Variants in CNGA3 observed in about 807,000 individuals in gnomAD.
CNGA3 encodes cyclic nucleotide-gated channel alpha-3.
A neutral mutation model predicts 46.6 loss-of-function variants in CNGA3; 42 were observed. The ratio of observed to expected loss-of-function variants is 0.90; its 90% CI spans 0.70 to 1.17. The LOEUF (loss-of-function observed/expected upper bound fraction) is 1.17. Among genes scored for constraint, CNGA3 ranks in the 50% most tolerant of loss-of-function variants. The probability of loss-of-function intolerance (pLI) is 0.00; values close to 1 mark genes in which losing one functional copy is unlikely to be tolerated. For synonymous variants in CNGA3, 394 were observed against 369.4 expected, an observed-to-expected ratio of 1.07 and a Z score of -0.76; for missense variants, 893 against 890.7, an observed-to-expected ratio of 1.00 and a Z score of -0.03.
At chr2:98,363,526 C>T (rs534115788) in intron 1 of CNGA3, among the ~76,000 whole-genome samples, 18 of 152,214 alleles carry the variant, frequency 1.2e-4, no homozygotes, top group African/African-American at 3.9e-4. Context: ...GCTTAAGAAG[C>T]TTTTGGGCCA....
At chr2:98,379,999 G>A (rs1330567398) in intron 3 of CNGA3, 176 bp from the exon 4 acceptor site, 5 of 712,060 alleles carry the variant, frequency 7.0e-6, no homozygotes, top group East Asian at 2.7e-5. Context: ...GGGCAGAGAT[G>A]CAAACTTAGA....
At chr2:98,377,935 G>T in intron 3 of CNGA3, 135 bp downstream of exon 3, 1 of 1,309,648 alleles carries the variant, frequency 7.6e-7, no homozygotes, top group African/African-American at 1.5e-5. Flanking sequence ...GAGCAGAGCA[G>T]CCTGAAAACT....
At chr2:98,378,607 G>A (rs572393574) in intron 3 of CNGA3, among the ~76,000 whole-genome samples, 25 of 152,300 alleles carry the variant, frequency 1.6e-4, no homozygotes, top group Middle Eastern at 6.8e-3. Context: ...CTCCACCATT[G>A]TTTATTTAAC....
chr2:98,349,398 G>A lies in CNGA3; in HGVS notation c.-38+2864G>A, dbSNP rs560941678. Reference sequence around the variant, plus strand: ...CATCAGGCTAAGAAATGGAGACTGCGTGCTGGAGAAAATAGGCACCTCTAA... The same window carrying A: ...CATCAGGCTAAGAAATGGAGACTGCATGCTGGAGAAAATAGGCACCTCTAA... On this transcript the variant is annotated intron_variant, in intron 1 of 7. Transcript: ENST00000272602. Among the ~76,000 whole-genome samples the A allele has an allele frequency of 5.5e-4, 84 of 152,292 alleles. 1 individual carries two copies. The highest frequency in any genetic ancestry group is 3.4e-3 in the Middle Eastern group (1 of 294).
chr2:98,394,287 G>T (rs1692859538), intron 7 of CNGA3, among the ~76,000 whole-genome samples: 1 of 152,142 alleles, frequency 6.6e-6, no homozygotes, highest in African/African-American at 2.4e-5. Context: ...TAGGTGTCCA[G>T]CCCATCTCCA....
chr2:98,396,858 G>T lies in CNGA3; in HGVS notation c.1688G>T (p.Arg563Leu). The change falls in exon 8 of 8, where the codon CGC becomes CTC. Residue 563 changes from arginine to leucine, a missense_variant. Around this residue, in one of 3 missense-constraint regions of CNGA3, gnomAD observed 548 missense variants for 570.8 expected, o/e 0.96. Coordinates refer to ENST00000272602, the MANE Select transcript of CNGA3 (RefSeq NM_001298.3). ...ATCAAGGGGAGCAAGTCGGGGAACC[G>T]CAGGACGGCCAACATCCGCAGCATT... Reference protein sequence around the residue: ...LNIKGSKSGNRRTANIRSIGY... With the variant: ...LNIKGSKSGNLRTANIRSIGY... 15 of 1,614,174 alleles carry T rather than the reference G, an allele frequency of 9.3e-6. No individual in the cohort carries two copies. Among genetic ancestry groups the T allele is most frequent in the Non-Finnish European group, 1.3e-5 (15 of 1,180,030 alleles).
At chr2:98,386,991 C>A (rs1243030998) in intron 5 of CNGA3, among the ~76,000 whole-genome samples, 1 of 152,222 alleles carries the variant, frequency 6.6e-6, no homozygotes, top group Non-Finnish European at 1.5e-5. Flanking sequence ...AGACTTCTGA[C>A]CTACAGATCT....
intron 3 of CNGA3, chr2:98,378,243 A>G (rs1453189998): frequency 6.5e-7 from 1 of 1,538,158 alleles, no homozygotes; most frequent in Non-Finnish European, 8.8e-7. Context: ...TTGCAAAAGC[A>G]TTTGTTTGCA....
intron 6 of CNGA3, among the ~76,000 whole-genome samples, chr2:98,390,438 T>C (rs1033061919): frequency 6.6e-6 from 1 of 152,106 alleles, no homozygotes; most frequent in Non-Finnish European, 1.5e-5. Flanking sequence ...TGTGAGCCAC[T>C]GCTCCCGGCC....
intron 5 of CNGA3, among the ~76,000 whole-genome samples, chr2:98,384,820 C>G (rs1574381835): frequency 6.6e-6 from 1 of 152,258 alleles, no homozygotes; most frequent in East Asian, 1.9e-4. Context: ...CTGCACCCGG[C>G]TCTTCAATCT....
chr2:98,367,201 T>A (rs1347647988), intron 1 of CNGA3, among the ~76,000 whole-genome samples: 4 of 147,776 alleles, frequency 2.7e-5, no homozygotes, highest in East Asian at 2.0e-4. Context: ...TTTTTTTTTT[T>A]ATTGAGACAG....
chr2:98,356,180 G>A (rs1170556297), intron 1 of CNGA3, among the ~76,000 whole-genome samples: 1 of 152,246 alleles, frequency 6.6e-6, no homozygotes, highest in Admixed American at 6.5e-5. Flanking sequence ...TTCAAAGTAT[G>A]TAGACCCTGG....
At chr2:98,379,816 C>T (rs1402493629) in intron 3 of CNGA3, 5 of 331,956 alleles carry the variant, frequency 1.5e-5, no homozygotes, top group South Asian at 1.5e-4. Context: ...GCAGTCATAA[C>T]AAAGAGCTCT....
At chr2:98,364,491 G>A (rs1692103028) in intron 1 of CNGA3, among the ~76,000 whole-genome samples, 2 of 152,128 alleles carry the variant, frequency 1.3e-5, no homozygotes, top group African/African-American at 4.8e-5. Context: ...ATCGCTTTAT[G>A]TTGAGCCCAT....
rs1293852552 is a variant in CNGA3, at chr2:98,396,776, AC to A, written c.1609del (p.Gln537SerfsTer17). The part of the protein sequence containing the change: ...KLAVVADDGV[T>X]QFVVLSDGSY... ...GGCCGTGGTGGCTGATGATGGGGTC[AC>A]CCAGTTCGTGGTCCTCAGCGATGGC... is the stretch of plus-strand genomic sequence containing the variant. On this transcript the variant is annotated frameshift_variant, in exon 8 of 8. Coordinates refer to ENST00000272602, the MANE Select transcript of CNGA3 (RefSeq NM_001298.3). LOFTEE classifies it high-confidence loss of function. 3 of 1,614,100 alleles carry A rather than the reference AC, an allele frequency of 1.9e-6. No individual in the cohort carries two copies. The Admixed American group carries it at 5.0e-5, about 27-fold the overall frequency.
intron 1 of CNGA3, among the ~76,000 whole-genome samples, chr2:98,349,755 C>T (rs1002759472): frequency 1.3e-5 from 2 of 152,116 alleles, no homozygotes; most frequent in African/African-American, 4.8e-5. Context: ...CAGTACATTT[C>T]TGAATTAGTA....
At chr2:98,388,503 G>A (rs1692710823) in intron 5 of CNGA3, among the ~76,000 whole-genome samples, 1 of 152,186 alleles carries the variant, frequency 6.6e-6, no homozygotes, top group East Asian at 1.9e-4. Context: ...GGTCCCAGCA[G>A]GCTGCAGACC....
At chr2:98,371,016 G>C (rs1487597249) in intron 2 of CNGA3, among the ~76,000 whole-genome samples, 1 of 152,006 alleles carries the variant, frequency 6.6e-6, no homozygotes, top group African/African-American at 2.4e-5. Context: ...GTAGAGACAG[G>C]GTTTTGCCAT....
Position 98,377,720 on chromosome 2 carries a change from G to T in CNGA3, c.135G>T (p.Val45=). ...CGTCAAGTGAGGAGACATCGTCAGT[G>T]CTGCAGCCGGGGATCGCCATGGAGA... ...AHSSSEETSS[V]LQPGIAMETR... is the part of the protein sequence containing the mutation. The change falls in exon 3 of 8, where the codon GTG becomes GTT. Residue 45 remains valine, a synonymous_variant. Coordinates refer to ENST00000272602, the MANE Select transcript of CNGA3 (RefSeq NM_001298.3). 1 of 1,613,496 alleles carries T rather than the reference G, an allele frequency of 6.2e-7. No individual in the cohort carries two copies. Among genetic ancestry groups the T allele is most frequent in the Non-Finnish European group, 8.5e-7 (1 of 1,180,026 alleles).
Sources: gnomAD v4.1 joint callset for allele counts (sites outside exome capture counted in the v4.1 genomes callset) on GRCh38, gnomAD v4.1.1 for gene constraint, gnomAD v4.1.1 regional missense constraint, MANE v1.5 for transcripts, NCBI Gene and HGNC (gene_info 2026-07-23, HGNC 2026-07-21) for gene names.